Variants in GCA observed in about 807,000 individuals in gnomAD.
GCA encodes grancalcin, EF-hand calcium-binding protein.
In GCA, 30 loss-of-function variants were observed where a neutral mutation model predicts 32.6. That is an observed-to-expected ratio of 0.92 (90% confidence interval 0.69 to 1.25). The LOEUF (loss-of-function observed/expected upper bound fraction) is 1.25. Among genes scored for constraint, GCA ranks in the 50% most tolerant of loss-of-function variants. The probability of loss-of-function intolerance (pLI) is 0.00; values close to 1 mark genes in which losing one functional copy is unlikely to be tolerated. For missense variants in GCA, 291 were observed against 266.8 expected, an observed-to-expected ratio of 1.09 and a Z score of -0.63; for synonymous variants, 102 against 84.6, an observed-to-expected ratio of 1.21 and a Z score of -1.13.
intron 1 of GCA, among the ~76,000 whole-genome samples, chr2:162,329,709 G>T (rs562144593): frequency 1.3e-5 from 2 of 151,652 alleles, no homozygotes; most frequent in South Asian, 2.1e-4. Flanking sequence ...AAGTTCAGGG[G>T]TACATGTGCA....
At chr2:162,327,605 A>G (rs774940587) in intron 1 of GCA, among the ~76,000 whole-genome samples, 12 of 152,098 alleles carry the variant, frequency 7.9e-5, no homozygotes, top group East Asian at 1.9e-4. Context: ...TGCTCCCCCT[A>G]TTGGCTTTTG....
At chr2:162,349,518 G>T (rs1232093111) in intron 2 of GCA, among the ~76,000 whole-genome samples, 3 of 150,708 alleles carry the variant, frequency 2.0e-5, no homozygotes, top group Non-Finnish European at 4.4e-5. Context: ...TAAGATGTGT[G>T]TTTTTTTTTC....
In GCA at chr2:162,359,114, T is replaced by C. The variant is rs746379441; in HGVS notation, c.525T>C (p.Phe175=). The C allele has an allele frequency of 4.4e-6, 7 of 1,607,510 alleles. No homozygotes were observed. The highest frequency in any genetic ancestry group is 4.3e-6 in the Non-Finnish European group (5 of 1,175,156). The change falls in exon 6 of 8, where the codon TTT becomes TTC. Residue 175 remains phenylalanine (F), a synonymous_variant. Coordinates refer to ENST00000437150, the MANE Select transcript of GCA (RefSeq NM_012198.5). The part of the protein sequence containing the change: ...KRYSKNGRIF[F]DDYVACCVKL... Reference sequence around the variant, plus strand: ...ATAGCAAGAATGGCAGAATTTTCTTTGATGATTATGTTGCTTGCTGTGTGA... The same window carrying C: ...ATAGCAAGAATGGCAGAATTTTCTTCGATGATTATGTTGCTTGCTGTGTGA...
chr2:162,319,356 A>G (rs1415927115), intron 1 of GCA: 2 of 376,982 alleles, frequency 5.3e-6, no homozygotes, highest in African/African-American at 4.2e-5. Context: ...AACTCAGCTT[A>G]GAAGGAAGCC....
chr2:162,363,733 C>CT (rs1030816047), downstream of GCA, among the ~76,000 whole-genome samples: 2 of 151,364 alleles, frequency 1.3e-5, no homozygotes, highest in African/African-American at 4.8e-5. Context: ...TGCCATATCT[C>CT]TTTCTACTTG....
Position 162,360,327 on chromosome 2 carries a change from G to A in GCA, c.*84G>A. The A allele has an allele frequency of 2.6e-6, 4 of 1,521,646 alleles. No homozygotes were observed. Among genetic ancestry groups the A allele is most frequent in the Non-Finnish European group, 3.5e-6 (4 of 1,138,204 alleles). 94.3% of individuals were successfully genotyped at this position (1,521,646 alleles called of 1,614,324 possible). On this transcript the variant is annotated 3_prime_UTR_variant, in exon 8 of 8. Coordinates refer to ENST00000437150, the MANE Select transcript of GCA (RefSeq NM_012198.5). ...ACTGGACTACTTTAAAACTTTTAAG[G>A]GTTTTCTATGTTCTTCCTACCTGTT...
At chr2:162,367,949 A>G (rs1444307479), downstream of GCA, among the ~76,000 whole-genome samples, 1 of 152,026 alleles carries the variant, frequency 6.6e-6, no homozygotes, top group Non-Finnish European at 1.5e-5. Flanking sequence ...GCTATTGATG[A>G]AAAAACTGGT....
chr2:162,353,089 CT>C (rs1444865169), intron 3 of GCA, among the ~76,000 whole-genome samples: 1 of 152,078 alleles, frequency 6.6e-6, no homozygotes, highest in Non-Finnish European at 1.5e-5. Flanking sequence ...GTTAGATCTC[CT>C]TTTTACTCCA....
In GCA at chr2:162,362,321, A is replaced by G; in HGVS notation, c.*2078A>G. 1.0e-6 allele frequency: 1 copy of G among 984,108 alleles called. No homozygotes were observed. Among genetic ancestry groups the G allele is most frequent in the Non-Finnish European group, 1.2e-6 (1 of 828,982 alleles). The allele number at this position is 984,108 out of a possible 1,614,324, so 61.0% of individuals were successfully genotyped here. ...CTTAATTGCCAGGCAACTCTTCTGC[A>G]CTTTACATTAAACAGACAAACTTAT... On this transcript the variant is annotated 3_prime_UTR_variant, in exon 8 of 8. Transcript: ENST00000437150.
chr2:162,332,462 A>C (rs1460497879), intron 1 of GCA, among the ~76,000 whole-genome samples: 8 of 151,148 alleles, frequency 5.3e-5, no homozygotes, highest in Admixed American at 2.6e-4. Flanking sequence ...AATATTTGGA[A>C]GAATCAAATT....
intron 1 of GCA, 183 bp downstream of exon 1, chr2:162,344,458 T>C: frequency 8.2e-6 from 5 of 610,794 alleles, no homozygotes; most frequent in South Asian, 2.0e-5. Flanking sequence ...CTGGGCTGAC[T>C]TGGAGCCGCA....
At chr2:162,346,104 G>T (rs1298751875) in intron 1 of GCA, among the ~76,000 whole-genome samples, 19 of 151,820 alleles carry the variant, frequency 1.3e-4, no homozygotes, top group East Asian at 3.9e-4. Context: ...TCAATGTAAA[G>T]GACTTTTTTC....
chr2:162,368,327 TAC>T (rs1279758367), intron 4 of GCA, among the ~76,000 whole-genome samples: 1 of 152,010 alleles, frequency 6.6e-6, no homozygotes, highest in Non-Finnish European at 1.5e-5. Context: ...ATAAGTAATT[TAC>T]ATATATTTAT....
intron 5 of GCA, 96 bp downstream of exon 5, chr2:162,357,001 T>C: frequency 2.4e-6 from 2 of 838,978 alleles, no homozygotes. Flanking sequence ...AATAAAGGGA[T>C]GTATTTTTTT....
In GCA at chr2:162,344,237, G is replaced by A; in HGVS notation, c.-12G>A. On this transcript the variant is annotated 5_prime_UTR_variant, in exon 1 of 8. Coordinates refer to ENST00000437150, the MANE Select transcript of GCA (RefSeq NM_012198.5). Reference sequence around the variant, plus strand: ...CTCGAGGGTGACGCTCGCTCCGCTCGTCCCGCTCGTCATGGCCTACCCGGG... The same window carrying A: ...CTCGAGGGTGACGCTCGCTCCGCTCATCCCGCTCGTCATGGCCTACCCGGG... The A allele has an allele frequency of 6.2e-7, 1 of 1,613,684 alleles. No homozygotes were observed. The highest frequency in any genetic ancestry group is 8.5e-7 in the Non-Finnish European group (1 of 1,179,892).
At chr2:162,324,840 G>A (rs575904733) in intron 1 of GCA, among the ~76,000 whole-genome samples, 8 of 152,142 alleles carry the variant, frequency 5.3e-5, no homozygotes, top group Admixed American at 2.6e-4. Context: ...GACGATGACC[G>A]GTTTTAACTG....
Position 162,348,685 on chromosome 2 carries a change from T to C in GCA, c.192+943T>C, listed in dbSNP as rs3827489. Among the ~76,000 whole-genome samples, 60 of 152,316 alleles carry C rather than the reference T, an allele frequency of 3.9e-4. 2 individuals are homozygous for C. The East Asian group carries it at 0.011, about 28-fold the overall frequency. On this transcript the variant is annotated intron_variant, in intron 2 of 7. Transcript: ENST00000437150. ...AATTCTGTGGGTGAATTGTTACTGA[T>C]GATATGTGAATACTGTGGTCAACGG...
intron 1 of GCA, among the ~76,000 whole-genome samples, chr2:162,325,865 G>A (rs1243192719): frequency 1.3e-5 from 2 of 151,982 alleles, no homozygotes; most frequent in Admixed American, 6.5e-5. Flanking sequence ...AACTTGCCAA[G>A]GTCCCCCTTC....
At chr2:162,339,262 G>A (rs76425382), upstream of GCA, among the ~76,000 whole-genome samples, 5,297 of 152,088 alleles carry the variant, frequency 0.035, 311 homozygotes, top group African/African-American at 0.12. Context: ...ATATTTTTAT[G>A]TCTTATGCAA....
Sources: gnomAD v4.1 joint callset for allele counts (sites outside exome capture counted in the v4.1 genomes callset) on GRCh38, gnomAD v4.1.1 for gene constraint, MANE v1.5 for transcripts, NCBI Gene and HGNC (gene_info 2026-07-23, HGNC 2026-07-21) for gene names.